The following ARMC9 variants were observed in gnomAD, a reference collection of about 807,000 sequenced individuals.
ARMC9 encodes the protein armadillo repeat containing 9, also known as lisH domain-containing protein ARMC9.
In ARMC9, 94 loss-of-function variants were observed where a neutral mutation model predicts 107.0. The observed-to-expected ratio is 0.88, with a 90% CI of 0.74 to 1.04. The LOEUF (loss-of-function observed/expected upper bound fraction) is 1.04. Among genes scored for constraint, ARMC9 ranks in the 50% least tolerant of loss-of-function variants. The pLI, the probability that ARMC9 is intolerant of heterozygous loss-of-function variation, is 0.00. For missense variants in ARMC9, 942 were observed against 1,030.1 expected (o/e 0.91, Z 1.17); for synonymous variants, 380 against 396.9 (o/e 0.96, Z 0.51).
intron 20 of ARMC9, among the ~76,000 whole-genome samples, chr2:231,333,408 G>A (rs921723089): frequency 1.2e-4 from 19 of 152,334 alleles, no homozygotes; most frequent in African/African-American, 3.6e-4. Flanking sequence ...GAACCACCGC[G>A]AACCCCTTCA....
intron 22 of ARMC9, among the ~76,000 whole-genome samples, chr2:231,359,544 C>T (rs1450699717): frequency 2.0e-5 from 3 of 152,194 alleles, no homozygotes; most frequent in African/African-American, 4.8e-5. Flanking sequence ...GTCCCCTACG[C>T]TCACACCCCC....
intron 19 of ARMC9, among the ~76,000 whole-genome samples, chr2:231,311,308 G>A (rs1322902472): frequency 6.6e-6 from 1 of 151,650 alleles, no homozygotes; most frequent in South Asian, 2.1e-4. Context: ...TTCTTTTGCT[G>A]CTATTCACAC....
intron 17 of ARMC9, among the ~76,000 whole-genome samples, chr2:231,286,232 C>T (rs1039007869): frequency 2.6e-5 from 4 of 152,302 alleles, no homozygotes; most frequent in African/African-American, 9.6e-5. Context: ...TCTCCTACCT[C>T]AGCCTCCAGA....
chr2:231,215,181 A>G (rs1044549668), intron 4 of ARMC9, 180 bp downstream of exon 4: 10 of 596,212 alleles, frequency 1.7e-5, no homozygotes, highest in Non-Finnish European at 2.4e-5. Context: ...TTTATATTCT[A>G]ATTTCTATGG....
intron 9 of ARMC9, among the ~76,000 whole-genome samples, chr2:231,242,303 A>G (rs1164050964): frequency 6.6e-6 from 1 of 152,126 alleles, no homozygotes; most frequent in African/African-American, 2.4e-5. Context: ...GGCCTTGACC[A>G]CTTCCTCTCA....
At chr2:231,201,096 T>C in intron 1 of ARMC9, among the ~76,000 whole-genome samples, 1 of 151,416 alleles carries the variant, frequency 6.6e-6, no homozygotes, top group Non-Finnish European at 1.5e-5. Flanking sequence ...TAGGGGGAGG[T>C]GGATGGATTG....
At chr2:231,226,845 CA>C in intron 7 of ARMC9, 47 bp downstream of exon 7, 1 of 1,589,078 alleles carries the variant, frequency 6.3e-7, no homozygotes, top group Admixed American at 1.7e-5. Flanking sequence ...TTTGCCAGTT[CA>C]GGTTTGAAGT....
rs115469464 is a variant in ARMC9, at chr2:231,371,229, C to T, written c.2435-284C>T. ...CACATCTAGCAGCATAGCGTGGCCA[C>T]GGTGTGGACAGCTCAGCCAGCCATG... On this transcript the variant is annotated intron_variant, in intron 24 of 24. Transcript: ENST00000611582. Among the ~76,000 whole-genome samples, 1,313 of 152,352 alleles carry T rather than the reference C, an allele frequency of 8.6e-3. 22 individuals are homozygous for T. Among genetic ancestry groups the T allele is most frequent in the African/African-American group, 0.03 (1,252 of 41,572 alleles).
chr2:231,274,279 G>A (rs1461699703), intron 14 of ARMC9, among the ~76,000 whole-genome samples: 4 of 152,108 alleles, frequency 2.6e-5, no homozygotes, highest in East Asian at 1.9e-4. Context: ...CACCACACCC[G>A]GCTAATTTTT....
chr2:231,349,553 G>A (rs753394823), intron 21 of ARMC9, among the ~76,000 whole-genome samples: 3 of 152,046 alleles, frequency 2.0e-5, no homozygotes, highest in Admixed American at 6.6e-5. Flanking sequence ...AGGCCGAGGC[G>A]GGTAGATCAC....
At chr2:231,232,457 T>G (rs899649432) in intron 7 of ARMC9, among the ~76,000 whole-genome samples, 1 of 116,870 alleles carries the variant, frequency 8.6e-6, no homozygotes, top group Non-Finnish European at 1.6e-5. Flanking sequence ...CCAGGTGACT[T>G]TTTTTTTTTT....
At chr2:231,239,445 A>G (rs2036078790) in intron 8 of ARMC9, among the ~76,000 whole-genome samples, 1 of 152,200 alleles carries the variant, frequency 6.6e-6, no homozygotes, top group African/African-American at 2.4e-5. Context: ...GCCACCTGTC[A>G]TGTGCTAGGC....
Position 231,373,853 on chromosome 2 carries a change from G to A in ARMC9, c.*2318G>A, listed in dbSNP as rs1270807856. The A allele has an allele frequency of 6.7e-6, 1 of 150,118 alleles. No individual in the cohort carries two copies. The highest frequency in any genetic ancestry group is 2.0e-4 in the East Asian group (1 of 5,076). 9.3% of individuals were successfully genotyped at this position (150,118 alleles called of 1,614,324 possible). On this transcript the variant is annotated 3_prime_UTR_variant, in exon 25 of 25. Coordinates refer to ENST00000611582, the MANE Select transcript of ARMC9 (RefSeq NM_001352754.2). This position sits in a 1 kb window ranked among gnomAD's most constrained non-coding sequence, Gnocchi z 4.4. ...GGAGATGGAAGATGCAGTGAGCCAA[G>A]ATCACGCCCCTGCACTCCAGCCTGG...
intron 12 of ARMC9, among the ~76,000 whole-genome samples, chr2:231,267,519 C>G (rs1313908674): frequency 1.3e-5 from 2 of 152,260 alleles, no homozygotes; most frequent in Non-Finnish European, 2.9e-5. Context: ...GTGTGAACCA[C>G]TGCACCCGGC....
At chr2:231,230,234 A>C (rs546419590) in intron 7 of ARMC9, among the ~76,000 whole-genome samples, 153 of 152,176 alleles carry the variant, frequency 1.0e-3, no homozygotes, top group Non-Finnish European at 1.8e-3. Context: ...GTGGCGACGT[A>C]CATCTGAAGT....
At chr2:231,324,412 G>GC (rs1302768788) in intron 19 of ARMC9, among the ~76,000 whole-genome samples, 11 of 149,724 alleles carry the variant, frequency 7.3e-5, no homozygotes, top group Non-Finnish European at 1.6e-4. Flanking sequence ...AGGCCACGCG[G>GC]CCTATAAAGT....
At chr2:231,259,191 T>C in intron 11 of ARMC9, 89 bp downstream of exon 11, 1 of 1,133,994 alleles carries the variant, frequency 8.8e-7, no homozygotes, top group Non-Finnish European at 1.3e-6. Flanking sequence ...TTTTAACCCA[T>C]CTTCCAGAAA....
chr2:231,281,866 G>A (rs1159907766), intron 16 of ARMC9, among the ~76,000 whole-genome samples, 193 bp from the exon 17 acceptor site: 1 of 152,186 alleles, frequency 6.6e-6, no homozygotes, highest in Non-Finnish European at 1.5e-5. Context: ...AGACTCAGTG[G>A]TAGCTGTCAC....
chr2:231,359,461 G>T (rs980324288), intron 22 of ARMC9, among the ~76,000 whole-genome samples: 5 of 151,948 alleles, frequency 3.3e-5, no homozygotes, highest in Non-Finnish European at 5.9e-5. Flanking sequence ...GAGGAGAAGG[G>T]GACAGTTGAA....
Sources: gnomAD v4.1 joint callset for allele counts (sites outside exome capture counted in the v4.1 genomes callset) on GRCh38, gnomAD v4.1.1 for gene constraint, Gnocchi (gnomAD v3.1) non-coding constraint, MANE v1.5 for transcripts, NCBI Gene and HGNC (gene_info 2026-07-23, HGNC 2026-07-21) for gene names.